The following UROS variants were observed in gnomAD, a reference collection of about 807,000 sequenced individuals.
The protein encoded by UROS is uroporphyrinogen-III synthase.
Under a neutral mutation model 33.0 loss-of-function variants are expected in UROS, and 18 were observed. That is an observed-to-expected ratio of 0.55 (90% CI 0.38 to 0.81). UROS has a LOEUF of 0.81. Among genes scored for constraint, UROS ranks in the 30% least tolerant of loss-of-function variants. The pLI is 0.00. For synonymous variants in UROS, 114 were observed against 121.1 expected (o/e 0.94, Z 0.38); for missense variants, 293 against 314.9 (o/e 0.93, Z 0.53).
At position 125,788,987 on chromosome 10, in the gene UROS, T is replaced by C. The variant is rs1225168642; in HGVS notation, c.679A>G (p.Thr227Ala). ...DQIKFAAIGP[T>A]TARALAAQGL... is the part of the protein sequence containing the mutation. The stretch of plus-strand genomic sequence containing the variant: ...TGGGCGGCCAGCGCGCGAGCCGTAG[T>C]GGGGCCGATGGCTGCAAACTATAAA... Residue 227 changes from threonine (T) to alanine (A), a missense_variant, in exon 10 of 10, where the codon ACT (threonine) becomes GCT (alanine). Transcript: ENST00000368797. 1 of 1,612,828 alleles carries C rather than the reference T, an allele frequency of 6.2e-7. No homozygotes were observed. Among genetic ancestry groups the C allele is most frequent in the African/African-American group, 1.3e-5 (1 of 75,006 alleles).
intron 5 of UROS, among the ~76,000 whole-genome samples, chr10:125,811,079 C>T (rs1852772566): frequency 6.6e-6 from 1 of 152,190 alleles, no homozygotes; most frequent in Non-Finnish European, 1.5e-5. Context: ...CATAGATGCT[C>T]ATCATTCATT....
intron 6 of UROS, among the ~76,000 whole-genome samples, chr10:125,803,978 C>T (rs767172154): frequency 6.6e-6 from 1 of 152,240 alleles, no homozygotes; most frequent in Non-Finnish European, 1.5e-5. Context: ...CACTGTGATA[C>T]AAGAGGAAAT....
chr10:125,797,169 C>T (rs544966025), intron 7 of UROS, among the ~76,000 whole-genome samples: 19 of 152,116 alleles, frequency 1.2e-4, no homozygotes, highest in Non-Finnish European at 1.9e-4. Context: ...CATTTTAATA[C>T]GGGGGGAAAG....
intron 7 of UROS, 127 bp downstream of exon 7, chr10:125,797,938 C>A (rs1189924645): frequency 9.4e-6 from 10 of 1,068,146 alleles, no homozygotes; most frequent in Non-Finnish European, 1.3e-5. Flanking sequence ...TGTCTCCTGG[C>A]CTGGCTTATC....
At chr10:125,795,116 G>C in intron 8 of UROS, 138 bp from the exon 9 acceptor site, 2 of 758,796 alleles carry the variant, frequency 2.6e-6, no homozygotes, top group Non-Finnish European at 4.6e-6. Context: ...CCCGGCTGAT[G>C]CTGGCATCCT....
intron 7 of UROS, 89 bp downstream of exon 7, chr10:125,797,976 C>T: frequency 6.8e-7 from 1 of 1,479,840 alleles, no homozygotes; most frequent in Non-Finnish European, 9.4e-7. Flanking sequence ...CCCTTGTGTG[C>T]TCTCTGCAGG....
chr10:125,795,236 A>G, intron 8 of UROS: 1 of 520,702 alleles, frequency 1.9e-6, no homozygotes, highest in Non-Finnish European at 3.5e-6. Flanking sequence ...GGACATGGGC[A>G]TCCCGGAGCT....
chr10:125,817,658 C>T (rs1441517454), intron 1 of UROS, among the ~76,000 whole-genome samples: 3 of 151,890 alleles, frequency 2.0e-5, no homozygotes, highest in African/African-American at 7.3e-5. Flanking sequence ...GCCTCCCAGG[C>T]ACTATTCTAA....
intron 9 of UROS, chr10:125,793,070 G>A (rs1475484528): frequency 6.6e-6 from 1 of 152,216 alleles, no homozygotes; most frequent in African/African-American, 2.4e-5. Flanking sequence ...GTGTCTGGAG[G>A]GCTGCAGAAA....
At chr10:125,800,984 A>G (rs1179421899) in intron 6 of UROS, among the ~76,000 whole-genome samples, 1 of 152,230 alleles carries the variant, frequency 6.6e-6, no homozygotes, top group Non-Finnish European at 1.5e-5. Context: ...TTAAGGAGCA[A>G]AAAGTCCTGC....
intron 6 of UROS, chr10:125,802,647 G>A: frequency 2.7e-6 from 3 of 1,124,782 alleles, no homozygotes; most frequent in Middle Eastern, 3.8e-4. Flanking sequence ...ACAGATTACA[G>A]TCTCCTGAAC....
chr10:125,790,982 C>G (rs1850890415), intron 9 of UROS, among the ~76,000 whole-genome samples: 1 of 151,606 alleles, frequency 6.6e-6, no homozygotes, highest in South Asian at 2.1e-4. Flanking sequence ...ATCCCAGCTA[C>G]TCAGGAGGCT....
chr10:125,802,428 T>G, intron 6 of UROS: 1 of 986,472 alleles, frequency 1.0e-6, no homozygotes, highest in Non-Finnish European at 1.2e-6. Flanking sequence ...CAATCCAGTC[T>G]GGAACATTCC....
intron 9 of UROS, chr10:125,792,413 C>G (rs554538576): frequency 6.6e-6 from 1 of 152,360 alleles, no homozygotes. Context: ...GTGCACCAGC[C>G]TGGCTTTGGG....
At chr10:125,811,387 G>A (rs1852795019) in intron 5 of UROS, among the ~76,000 whole-genome samples, 1 of 152,218 alleles carries the variant, frequency 6.6e-6, no homozygotes, top group Admixed American at 6.5e-5. Flanking sequence ...GGAGAGAGAT[G>A]TGCGGGAGGG....
chr10:125,811,457 T>C (rs956474237), intron 5 of UROS, among the ~76,000 whole-genome samples: 3 of 152,230 alleles, frequency 2.0e-5, no homozygotes, highest in African/African-American at 7.2e-5. Flanking sequence ...TCTGCTGAGC[T>C]TGTGGTAAAA....
intron 3 of UROS, among the ~76,000 whole-genome samples, chr10:125,815,484 T>C (rs1484967104): frequency 6.6e-6 from 1 of 152,120 alleles, no homozygotes; most frequent in Admixed American, 6.5e-5. Flanking sequence ...TTGACCCGAA[T>C]CTGTAATAAA....
chr10:125,793,340 G>A (rs1205787829), intron 9 of UROS: 3 of 140,528 alleles, frequency 2.1e-5, no homozygotes, highest in Non-Finnish European at 4.7e-5. Context: ...TGTGTGACTT[G>A]GGGGTGGGTG....
At chr10:125,805,103 C>T (rs1206523518) in intron 6 of UROS, among the ~76,000 whole-genome samples, 1 of 152,238 alleles carries the variant, frequency 6.6e-6, no homozygotes, top group Admixed American at 6.5e-5. Flanking sequence ...GATGAACGCA[C>T]ATCCACTGAA....
Sources: gnomAD v4.1 joint callset for allele counts (sites outside exome capture counted in the v4.1 genomes callset) on GRCh38, gnomAD v4.1.1 for gene constraint, MANE v1.5 for transcripts, NCBI Gene and HGNC (gene_info 2026-07-23, HGNC 2026-07-21) for gene names.